The following MRTFB variants were observed in gnomAD, a reference collection of about 807,000 sequenced individuals.
The protein encoded by MRTFB is myocardin related transcription factor B, also known as myocardin-related transcription factor B.
MRTFB carries 29 observed loss-of-function variants against 104.2 expected under a neutral mutation model. The ratio of observed to expected loss-of-function variants is 0.28; its 90% confidence interval spans 0.21 to 0.38. MRTFB has a LOEUF of 0.38. Ranked by LOEUF, MRTFB falls within the 10% of genes least tolerant of loss-of-function variation. The pLI is 1.00. For synonymous variants in MRTFB, 535 were observed against 519.5 expected (o/e 1.03, Z -0.41); for missense variants, 1,270 against 1,341.6 (o/e 0.95, Z 0.83).
chr16:14,126,413 C>G (rs1304322216), intron 2 of MRTFB, among the ~76,000 whole-genome samples: 7 of 151,968 alleles, frequency 4.6e-5, no homozygotes, highest in Admixed American at 3.9e-4. Flanking sequence ...GAATATTTTT[C>G]TTTGTGTGTC....
intron 4 of MRTFB, among the ~76,000 whole-genome samples, chr16:14,211,546 G>A (rs546793666): frequency 7.9e-5 from 12 of 152,146 alleles, no homozygotes; most frequent in Non-Finnish European, 1.3e-4. Flanking sequence ...GCTTGGAAGT[G>A]CAGGGTGTTA....
the MRTFB span, among the ~76,000 whole-genome samples, chr16:13,995,463 T>C: frequency 6.6e-6 from 1 of 152,248 alleles, no homozygotes. Flanking sequence ...GCTGGTCTGA[T>C]GGTTTAGTGA....
chr16:14,172,878 T>C (rs2039468105), intron 3 of MRTFB, among the ~76,000 whole-genome samples: 1 of 152,192 alleles, frequency 6.6e-6, no homozygotes, highest in Non-Finnish European at 1.5e-5. Flanking sequence ...TTTAGAGTTA[T>C]TTACATATTG....
chr16:14,242,710 T>C (rs190657257), intron 10 of MRTFB, among the ~76,000 whole-genome samples: 1 of 152,330 alleles, frequency 6.6e-6, no homozygotes, highest in African/African-American at 2.4e-5. Flanking sequence ...CGCAGGTCTC[T>C]CATCTGCCGA....
At chr16:14,043,670 T>C in the MRTFB span, among the ~76,000 whole-genome samples, 1 of 152,224 alleles carries the variant, frequency 6.6e-6, no homozygotes, top group African/African-American at 2.4e-5. Context: ...CTTTTCTACC[T>C]GTACAATGGC....
chr16:14,170,362 GGTTCCCTTGCAACCAC>G (rs1431401097), intron 3 of MRTFB: 2 of 152,202 alleles, frequency 1.3e-5, no homozygotes, highest in Non-Finnish European at 2.9e-5. Flanking sequence ...GCAAGAGAGA[GGTTCCCTTGCAACCAC>G]AATCTGGGTG....
rs773316933 is a variant in MRTFB, at chr16:14,234,287, G to T, written c.831+4G>T. 1 of 1,613,544 alleles carries T rather than the reference G, an allele frequency of 6.2e-7. No homozygotes were observed. The highest frequency in any genetic ancestry group is 2.2e-5 in the East Asian group (1 of 44,854). On this transcript the variant is annotated splice_donor_region_variant and intron_variant, in intron 9 of 16. Coordinates refer to ENST00000571589, the MANE Select transcript of MRTFB (RefSeq NM_001308142.2). ...GCCTGGCCCAGCACTGGTGAAGGTG[G>T]GTACTTTGGATACACCCTGGGTTTG...
chr16:14,155,606 G>A (rs1321904881), intron 3 of MRTFB, among the ~76,000 whole-genome samples: 1 of 152,092 alleles, frequency 6.6e-6, no homozygotes, highest in Non-Finnish European at 1.5e-5. Flanking sequence ...AGTAACTTTT[G>A]GATCACCTTC....
chr16:14,147,307 A>G (rs1005665670), intron 3 of MRTFB, among the ~76,000 whole-genome samples: 1 of 152,228 alleles, frequency 6.6e-6, no homozygotes, highest in Non-Finnish European at 1.5e-5. Context: ...CGACAACTGC[A>G]AATGAAAATG....
the MRTFB span, among the ~76,000 whole-genome samples, chr16:14,036,150 T>TA: frequency 1.3e-3 from 6 of 4,694 alleles, no homozygotes; most frequent in South Asian, 0.014. Context: ...ATATATATAA[T>TA]ATATATTATA....
chr16:14,183,467 A>G (rs1003521318), intron 3 of MRTFB, among the ~76,000 whole-genome samples: 6 of 152,224 alleles, frequency 3.9e-5, no homozygotes, highest in African/African-American at 1.4e-4. Context: ...GTGGAACTTG[A>G]ATGCAGATAT....
At chr16:14,122,216 C>T (rs1483210162) in intron 2 of MRTFB, among the ~76,000 whole-genome samples, 2 of 149,950 alleles carry the variant, frequency 1.3e-5, no homozygotes, top group African/African-American at 5.0e-5. Context: ...GGACATTTTC[C>T]CCTTTCAGTA....
chr16:14,122,193 A>G (rs1244512744), intron 2 of MRTFB, among the ~76,000 whole-genome samples: 2 of 150,690 alleles, frequency 1.3e-5, no homozygotes, highest in Non-Finnish European at 1.5e-5. Flanking sequence ...TTTTCTATTT[A>G]ATTATGTATC....
intron 3 of MRTFB, among the ~76,000 whole-genome samples, chr16:14,172,563 G>T (rs1338960776): frequency 6.6e-6 from 1 of 151,926 alleles, no homozygotes; most frequent in African/African-American, 2.4e-5. Context: ...AGGGTTGCTG[G>T]GTCAAAAGAA....
At chr16:14,129,938 C>T (rs1596994739) in intron 2 of MRTFB, among the ~76,000 whole-genome samples, 3 of 152,310 alleles carry the variant, frequency 2.0e-5, no homozygotes, top group South Asian at 4.1e-4. Flanking sequence ...AAGCAATTCT[C>T]CTGCCTCAGC....
At chr16:14,158,818 A>G (rs56754616) in intron 3 of MRTFB, among the ~76,000 whole-genome samples, 3,639 of 152,188 alleles carry the variant, frequency 0.024, 158 homozygotes, top group African/African-American at 0.083. Flanking sequence ...TTCATATATA[A>G]TAGGTGCTAT....
intron 3 of MRTFB, chr16:14,200,650 T>TGGAAAGAGCCACTGG (rs2040655341): frequency 1.3e-6 from 2 of 1,564,936 alleles, no homozygotes. Context: ...TTGATGAAGA[T>TGGAAAGAGCCACTGG]GGAAAGAGCC....
At chr16:14,029,637 C>T in the MRTFB span, among the ~76,000 whole-genome samples, 2 of 151,872 alleles carry the variant, frequency 1.3e-5, no homozygotes, top group Non-Finnish European at 2.9e-5. Context: ...TGACCATCAT[C>T]ATTGTCTTCA....
intron 3 of MRTFB, among the ~76,000 whole-genome samples, chr16:14,185,375 T>C (rs2039917448): frequency 6.6e-6 from 1 of 152,188 alleles, no homozygotes; most frequent in Admixed American, 6.5e-5. Flanking sequence ...AATATTGATT[T>C]TTCTGTCTGT....
Sources: gnomAD v4.1 joint callset for allele counts (sites outside exome capture counted in the v4.1 genomes callset) on GRCh38, gnomAD v4.1.1 for gene constraint, MANE v1.5 for transcripts, NCBI Gene and HGNC (gene_info 2026-07-23, HGNC 2026-07-21) for gene names.